Variants in RAD51B observed in about 807,000 individuals in gnomAD.
The protein encoded by RAD51B is RAD51 paralog B.
In RAD51B, 38 loss-of-function variants were observed where a neutral mutation model predicts 42.2. The ratio of observed to expected loss-of-function variants is 0.90; its 90% CI spans 0.70 to 1.18. The LOEUF is 1.18. Among genes scored for constraint, RAD51B ranks in the 50% most tolerant of loss-of-function variants. RAD51B has a pLI of 0.00. For missense variants in RAD51B, 373 were observed against 400.7 expected, an observed-to-expected ratio of 0.93 and a Z score of 0.59; for synonymous variants, 154 against 145.2, an observed-to-expected ratio of 1.06 and a Z score of -0.43.
intron 10 of RAD51B, chr14:68,540,499 G>C (rs1001673648): frequency 2.0e-6 from 2 of 985,140 alleles, no homozygotes. Flanking sequence ...TGCTCAGCTT[G>C]TTCCCTCATT....
intron 5 of RAD51B, among the ~76,000 whole-genome samples, chr14:67,885,077 G>A (rs570925440): frequency 6.6e-6 from 1 of 152,240 alleles, no homozygotes; most frequent in African/African-American, 2.4e-5. Flanking sequence ...TACTAGGGCT[G>A]ATAAAATGTC....
downstream of RAD51B, among the ~76,000 whole-genome samples, chr14:68,479,944 C>G (rs1226225739): frequency 6.6e-6 from 1 of 152,116 alleles, no homozygotes; most frequent in Non-Finnish European, 1.5e-5. Context: ...AGCTCAGCCT[C>G]CTAAAGTTCT....
chr14:67,873,124 A>G (rs2042600134), intron 5 of RAD51B, among the ~76,000 whole-genome samples: 1 of 152,228 alleles, frequency 6.6e-6, no homozygotes, highest in African/African-American at 2.4e-5. Context: ...CTGCACAGCA[A>G]AAGAAACTAC....
chr14:67,828,295 A>C (rs561494219), intron 3 of RAD51B, among the ~76,000 whole-genome samples: 3 of 151,434 alleles, frequency 2.0e-5, no homozygotes, highest in Admixed American at 2.0e-4. Flanking sequence ...TCTTCTTTTG[A>C]AAAGTATCTG....
intron 10 of RAD51B, among the ~76,000 whole-genome samples, chr14:68,553,870 C>T (rs763725456): frequency 6.6e-5 from 10 of 152,194 alleles, no homozygotes; most frequent in Non-Finnish European, 1.3e-4. Context: ...TAAAAATCGT[C>T]TCTGCAACCT....
intron 7 of RAD51B, among the ~76,000 whole-genome samples, chr14:68,050,059 A>G (rs547140440): frequency 2.9e-4 from 44 of 151,814 alleles, no homozygotes; most frequent in African/African-American, 9.4e-4. Flanking sequence ...CTTAAGTTCT[A>G]TTTTTTCTAT....
intron 5 of RAD51B, among the ~76,000 whole-genome samples, chr14:67,880,806 T>G (rs1363580536): frequency 1.3e-5 from 2 of 152,110 alleles, no homozygotes; most frequent in Non-Finnish European, 2.9e-5. Context: ...TTTTCAAGAG[T>G]GTTAGGTTTT....
At chr14:68,406,849 C>A (rs2084289510) in intron 8 of RAD51B, among the ~76,000 whole-genome samples, 1 of 150,666 alleles carries the variant, frequency 6.6e-6, no homozygotes, top group East Asian at 1.9e-4. Flanking sequence ...ATTTTTTTAC[C>A]TTTTTAAACT....
At chr14:68,504,662 C>CTTTTTTTTTTTTTTTTTTTTTTTTTTTTT (rs57967320) in intron 10 of RAD51B, among the ~76,000 whole-genome samples, 12 of 90,448 alleles carry the variant, frequency 1.3e-4, no homozygotes, top group East Asian at 4.1e-4. Context: ...TTTTTTCTTT[C>CTTTTTTTTTTTTTTTTTTTTTTTTTTTTT]TTTTTTTTTT....
At chr14:67,877,756 G>A (rs2140029512) in intron 5 of RAD51B, among the ~76,000 whole-genome samples, 1 of 152,294 alleles carries the variant, frequency 6.6e-6, no homozygotes, top group East Asian at 1.9e-4. Context: ...TCGACTTACT[G>A]GGTACAAGGG....
At chr14:68,067,631 G>A (rs2076675146) in intron 7 of RAD51B, among the ~76,000 whole-genome samples, 1 of 152,072 alleles carries the variant, frequency 6.6e-6, no homozygotes, top group African/African-American at 2.4e-5. Flanking sequence ...GTACTATTCA[G>A]TATGGAAGAT....
intron 9 of RAD51B, 128 bp from the exon 10 acceptor site, chr14:68,468,044 T>C: frequency 1.3e-6 from 1 of 785,504 alleles, no homozygotes; most frequent in South Asian, 1.7e-5. Context: ...AATGGTTTTT[T>C]TTTTTTTAAA....
intron 7 of RAD51B, among the ~76,000 whole-genome samples, chr14:68,263,006 T>C (rs2080919059): frequency 6.6e-6 from 1 of 152,222 alleles, no homozygotes; most frequent in Non-Finnish European, 1.5e-5. Flanking sequence ...CTCTTGGTAA[T>C]GTGGCTTTTA....
At chr14:68,049,093 C>T (rs1435942108) in intron 7 of RAD51B, among the ~76,000 whole-genome samples, 3 of 152,008 alleles carry the variant, frequency 2.0e-5, no homozygotes, top group Non-Finnish European at 2.9e-5. Context: ...TCATTCTCAG[C>T]AGACTACCGC....
At chr14:68,411,353 G>T in intron 8 of RAD51B, 71 bp from the exon 9 acceptor site, 1 of 1,299,426 alleles carries the variant, frequency 7.7e-7, no homozygotes, top group Non-Finnish European at 1.1e-6. Context: ...AATGAGTAAT[G>T]TCTGGACTTC....
At chr14:68,050,271 T>C (rs2076371205) in intron 7 of RAD51B, among the ~76,000 whole-genome samples, 1 of 151,784 alleles carries the variant, frequency 6.6e-6, no homozygotes, top group South Asian at 2.1e-4. Context: ...CTTTTCTTTT[T>C]TCTTTTCTTT....
chr14:68,222,646 C>T (rs367621731), intron 7 of RAD51B, among the ~76,000 whole-genome samples: 1 of 152,148 alleles, frequency 6.6e-6, no homozygotes, highest in South Asian at 2.1e-4. Flanking sequence ...TGTAACCAAA[C>T]ACCTCTGTTC....
At chr14:68,194,412 T>G (rs1483412105) in intron 7 of RAD51B, among the ~76,000 whole-genome samples, 1 of 152,178 alleles carries the variant, frequency 6.6e-6, no homozygotes, top group African/African-American at 2.4e-5. Flanking sequence ...GTGTCTGCCC[T>G]TGAGGGAGTG....
intron 7 of RAD51B, among the ~76,000 whole-genome samples, chr14:67,942,998 A>C (rs2045261665): frequency 6.6e-6 from 1 of 152,042 alleles, no homozygotes. Context: ...GGCTGTTTTG[A>C]ATTTTGAAAC....
Sources: allele counts gnomAD v4.1 joint callset (sites outside exome capture counted in the v4.1 genomes callset), GRCh38; gene constraint gnomAD v4.1.1; transcripts MANE v1.5; gene names NCBI Gene and HGNC (gene_info 2026-07-23, HGNC 2026-07-21).